Variants in LRRTM4 observed in about 807,000 individuals in gnomAD.
LRRTM4 encodes leucine rich repeat transmembrane neuronal 4, also known as leucine-rich repeat transmembrane neuronal protein 4.
LRRTM4 carries 25 observed loss-of-function variants against 47.6 expected under a neutral mutation model. That is an observed-to-expected ratio of 0.53 (90% CI 0.38 to 0.73). The LOEUF is 0.73. Ranked by LOEUF, LRRTM4 falls within the 30% of genes least tolerant of loss-of-function variation. The probability of loss-of-function intolerance (pLI) is 0.00; values close to 1 mark genes in which losing one functional copy is unlikely to be tolerated. For synonymous variants in LRRTM4, 311 were observed against 269.5 expected, an observed-to-expected ratio of 1.15 and a Z score of -1.51; for missense variants, 638 against 713.4, an observed-to-expected ratio of 0.89 and a Z score of 1.20.
intron 3 of LRRTM4, among the ~76,000 whole-genome samples, chr2:77,395,311 C>T (rs1673660617): frequency 6.6e-6 from 1 of 151,828 alleles, no homozygotes; most frequent in Admixed American, 6.6e-5. Context: ...AGTTGAAAGG[C>T]TTAGGATTTT....
chr2:76,811,378 G>C (rs1670728000), intron 3 of LRRTM4, among the ~76,000 whole-genome samples: 1 of 152,134 alleles, frequency 6.6e-6, no homozygotes, highest in Non-Finnish European at 1.5e-5. Flanking sequence ...GTCCAAGATG[G>C]ATGAATAGGC....
chr2:77,221,689 C>T (rs1457057547), intron 3 of LRRTM4, among the ~76,000 whole-genome samples: 1 of 151,932 alleles, frequency 6.6e-6, no homozygotes, highest in Non-Finnish European at 1.5e-5. Flanking sequence ...AATACAGGAG[C>T]ACCCAGATTC....
At chr2:77,250,324 A>ATTTTCTTTGTGTG (rs1312973793) in intron 3 of LRRTM4, among the ~76,000 whole-genome samples, 3 of 152,118 alleles carry the variant, frequency 2.0e-5, no homozygotes, top group Non-Finnish European at 4.4e-5. Context: ...TGTGATAATG[A>ATTTTCTTTGTGTG]ATTTCAATAT....
At chr2:76,792,821 G>A (rs1675046391) in intron 3 of LRRTM4, among the ~76,000 whole-genome samples, 1 of 152,112 alleles carries the variant, frequency 6.6e-6, no homozygotes, top group Non-Finnish European at 1.5e-5. Context: ...TTCCTGCACT[G>A]TGGCTTGGAA....
chr2:77,269,283 C>A (rs183495000), intron 3 of LRRTM4, among the ~76,000 whole-genome samples: 2 of 151,950 alleles, frequency 1.3e-5, no homozygotes, highest in Non-Finnish European at 2.9e-5. Flanking sequence ...TATTTCCCTA[C>A]GTAGATATTA....
chr2:77,382,329 A>G (rs548413678), intron 3 of LRRTM4, among the ~76,000 whole-genome samples: 2 of 152,244 alleles, frequency 1.3e-5, no homozygotes, highest in African/African-American at 4.8e-5. Flanking sequence ...TTTTAACCAT[A>G]TAATTTCTCC....
chr2:76,801,664 TAAAA>T (rs770583956), intron 3 of LRRTM4, among the ~76,000 whole-genome samples: 69 of 145,722 alleles, frequency 4.7e-4, no homozygotes, highest in African/African-American at 1.6e-3. Flanking sequence ...TAAAGTATAA[TAAAA>T]AAAAAAGAAA....
intron 3 of LRRTM4, among the ~76,000 whole-genome samples, chr2:76,908,527 C>T (rs1673933397): frequency 1.3e-5 from 2 of 151,944 alleles, no homozygotes; most frequent in South Asian, 4.2e-4. Flanking sequence ...AAAGGGTATT[C>T]AATTAAGAAA....
chr2:77,159,996 T>G (rs1672668363), intron 3 of LRRTM4, among the ~76,000 whole-genome samples: 2 of 152,188 alleles, frequency 1.3e-5, no homozygotes, highest in Admixed American at 1.3e-4. Context: ...TTACACTGGT[T>G]TGGAAGCATT....
chr2:77,298,321 C>T (rs542886985), intron 3 of LRRTM4, among the ~76,000 whole-genome samples: 38 of 152,308 alleles, frequency 2.5e-4, no homozygotes, highest in Non-Finnish European at 5.9e-5. Flanking sequence ...ACTGCAAGCT[C>T]CGTCTCCCGG....
chr2:77,154,057 C>G (rs530451077), intron 3 of LRRTM4, among the ~76,000 whole-genome samples: 31 of 152,182 alleles, frequency 2.0e-4, no homozygotes, highest in Non-Finnish European at 3.5e-4. Flanking sequence ...GAAGTCTAAT[C>G]AATGTCCATC....
chr2:76,786,226 C>G (rs113068192), intron 3 of LRRTM4, among the ~76,000 whole-genome samples: 1 of 151,806 alleles, frequency 6.6e-6, no homozygotes, highest in Non-Finnish European at 1.5e-5. Flanking sequence ...GAACCATGAA[C>G]GATTAAAAAT....
chr2:77,124,501 G>C (rs1671605205), intron 3 of LRRTM4, among the ~76,000 whole-genome samples: 1 of 152,088 alleles, frequency 6.6e-6, no homozygotes, highest in African/African-American at 2.4e-5. Flanking sequence ...AAAACTTACT[G>C]TCAATGAGCC....
At chr2:76,756,445 G>C (rs1673032561) in intron 3 of LRRTM4, among the ~76,000 whole-genome samples, 1 of 152,072 alleles carries the variant, frequency 6.6e-6, no homozygotes, top group African/African-American at 2.4e-5. Flanking sequence ...GGCTTCTTGG[G>C]TTTATCTTTT....
At chr2:77,445,280 G>T (rs1676008736) in intron 3 of LRRTM4, among the ~76,000 whole-genome samples, 1 of 151,534 alleles carries the variant, frequency 6.6e-6, no homozygotes, top group African/African-American at 2.4e-5. Context: ...GTTGTAGTGG[G>T]AATTACATGA....
At chr2:77,370,974 T>G (rs1452678636) in intron 3 of LRRTM4, among the ~76,000 whole-genome samples, 2 of 151,732 alleles carry the variant, frequency 1.3e-5, no homozygotes, top group Non-Finnish European at 2.9e-5. Flanking sequence ...GGATTTAATC[T>G]GTAATACAAT....
At chr2:76,841,303 A>G (rs1470421378) in intron 3 of LRRTM4, among the ~76,000 whole-genome samples, 2 of 151,700 alleles carry the variant, frequency 1.3e-5, no homozygotes, top group African/African-American at 4.9e-5. Context: ...GAGGGATAGT[A>G]TTAGGAGATA....
rs1406670644 is a variant in LRRTM4 at position 76,755,244 on chromosome 2, C to T, written c.1552-6328G>A. 4.6e-5 allele frequency among the ~76,000 whole-genome samples: 7 copies of T among 152,224 alleles called. No individual in the cohort carries two copies. In the South Asian group the frequency reaches 1.2e-3, roughly 27 times the overall value. ...GTTGAATCAACTTCTCAGTTCTGGT[C>T]ATGGGGAGGAAGTTTTGCAAAGATA... On this transcript the variant is annotated intron_variant, in intron 3 of 3. Transcript: ENST00000409884.
In LRRTM4 at chr2:76,923,216, G is replaced by A. The variant is rs571905233; in HGVS notation, c.1552-174300C>T. Among the ~76,000 whole-genome samples, 8 of 151,852 alleles carry A rather than the reference G, an allele frequency of 5.3e-5. No homozygotes were observed. In the South Asian group the frequency reaches 6.2e-4, roughly 12 times the overall value. ...CTATATTTCCATTTCTAAGTCTTTC[G>A]TTTTTATTGTTTTACCTTTTATGTT... On this transcript the variant is annotated intron_variant, in intron 3 of 3. Transcript: ENST00000409884.
Sources: gnomAD v4.1 joint callset for allele counts (sites outside exome capture counted in the v4.1 genomes callset) on GRCh38, gnomAD v4.1.1 for gene constraint, MANE v1.5 for transcripts, NCBI Gene and HGNC (gene_info 2026-07-23, HGNC 2026-07-21) for gene names.